The following SUGCT variants were observed in gnomAD, a reference collection of about 807,000 sequenced individuals.
SUGCT encodes succinyl-CoA:glutarate CoA-transferase.
SUGCT carries 41 observed loss-of-function variants against 55.0 expected under a neutral mutation model. The observed-to-expected ratio is 0.74, with a 90% CI of 0.58 to 0.97. The LOEUF is 0.97. Among genes scored for constraint, SUGCT ranks in the 50% least tolerant of loss-of-function variants. The pLI, the probability that SUGCT is intolerant of heterozygous loss-of-function variation, is 0.00. For synonymous variants in SUGCT, 187 were observed against 200.4 expected, an observed-to-expected ratio of 0.93 and a Z score of 0.56; for missense variants, 568 against 547.8, an observed-to-expected ratio of 1.04 and a Z score of -0.37.
At chr7:40,740,215 C>T (rs745744832) in intron 12 of SUGCT, among the ~76,000 whole-genome samples, 1 of 151,814 alleles carries the variant, frequency 6.6e-6, no homozygotes, top group African/African-American at 2.4e-5. Flanking sequence ...TGTTTATTGT[C>T]GGTATACAAA....
the SUGCT span, among the ~76,000 whole-genome samples, chr7:41,002,001 C>T: frequency 6.6e-6 from 1 of 152,166 alleles, no homozygotes; most frequent in Non-Finnish European, 1.5e-5. Flanking sequence ...GGAACAGTCA[C>T]CTTCTCATTA....
chr7:40,498,092 T>C lies in SUGCT; in HGVS notation c.1089+1706T>C, dbSNP rs1198786542. On this transcript the variant is annotated intron_variant, in intron 12 of 13. Transcript: ENST00000335693. ...GAACTACAAAAATTTTTGTTATTGG[T>C]CTATGGCATATTTTCAGTCATTAGC... 3.3e-5 allele frequency among the ~76,000 whole-genome samples: 5 copies of C among 152,264 alleles called. No individual in the cohort carries two copies. The South Asian group carries it at 1.0e-3, about 32-fold the overall frequency.
intron 9 of SUGCT, among the ~76,000 whole-genome samples, chr7:40,330,306 G>A (rs17171688): frequency 0.044 from 6,640 of 152,250 alleles, 281 homozygotes; most frequent in East Asian, 0.24. Context: ...TAGGGAGTTA[G>A]TTTCAGCCAT....
In SUGCT at chr7:40,168,304, C is replaced by T. The variant is rs574111345; in HGVS notation, c.101-12643C>T. 4.6e-5 allele frequency among the ~76,000 whole-genome samples: 7 copies of T among 152,212 alleles called. No homozygotes were observed. In the South Asian group the frequency reaches 1.2e-3, roughly 27 times the overall value. On this transcript the variant is annotated intron_variant, in intron 1 of 13. Coordinates refer to ENST00000335693, the MANE Select transcript of SUGCT (RefSeq NM_001193313.2). ...CTAACTGCTTCCTGCTGAATTGGGG[C>T]GTAGTAGGGGTCATGCAGTTGAGAT...
At chr7:40,756,336 T>C (rs1324084807) in intron 13 of SUGCT, among the ~76,000 whole-genome samples, 1 of 152,230 alleles carries the variant, frequency 6.6e-6, no homozygotes, top group Admixed American at 6.5e-5. Flanking sequence ...TTATTCAGTA[T>C]GCATTTTTTA....
the SUGCT span, among the ~76,000 whole-genome samples, chr7:40,906,118 TTTTG>T: frequency 2.0e-4 from 31 of 152,074 alleles, no homozygotes; most frequent in African/African-American, 7.2e-4. Flanking sequence ...CAGAGCTGTT[TTTTG>T]TTTTTGTTTT....
intron 13 of SUGCT, among the ~76,000 whole-genome samples, chr7:40,802,519 G>A (rs1178834086): frequency 4.6e-5 from 7 of 152,114 alleles, no homozygotes; most frequent in African/African-American, 9.7e-5. Flanking sequence ...AAAGCCTTAC[G>A]GTTTCCACTT....
intron 12 of SUGCT, among the ~76,000 whole-genome samples, chr7:40,563,042 C>T (rs1181577149): frequency 1.3e-5 from 2 of 152,074 alleles, no homozygotes; most frequent in East Asian, 3.9e-4. Context: ...GGTTGAACTC[C>T]TTCCCCTCTT....
chr7:40,138,638 T>C (rs796357046), intron 1 of SUGCT, among the ~76,000 whole-genome samples: 6 of 144,002 alleles, frequency 4.2e-5, no homozygotes, highest in African/African-American at 1.6e-4. Flanking sequence ...AGTTCCCTTT[T>C]CTCAGCTTCC....
chr7:40,901,269 C>T, the SUGCT span, among the ~76,000 whole-genome samples: 1 of 152,142 alleles, frequency 6.6e-6, no homozygotes. Context: ...AGGCTAGCAG[C>T]GAAGAAAACA....
At chr7:40,497,816 T>C (rs1792067531) in intron 12 of SUGCT, among the ~76,000 whole-genome samples, 1 of 152,066 alleles carries the variant, frequency 6.6e-6, no homozygotes, top group South Asian at 2.1e-4. Context: ...TGTGTTTTAT[T>C]AGAGATGAAG....
At chr7:41,031,090 T>G in the SUGCT span, among the ~76,000 whole-genome samples, 25 of 152,282 alleles carry the variant, frequency 1.6e-4, no homozygotes, top group Admixed American at 1.3e-3. Flanking sequence ...GCTTCCCAAG[T>G]AGCTAGGACC....
intron 9 of SUGCT, among the ~76,000 whole-genome samples, chr7:40,388,837 A>T (rs952285136): frequency 2.0e-5 from 3 of 152,210 alleles, no homozygotes; most frequent in African/African-American, 7.2e-5. Flanking sequence ...GGATTTGGAT[A>T]ATTCATAATA....
At chr7:40,956,887 T>C in the SUGCT span, among the ~76,000 whole-genome samples, 41 of 152,296 alleles carry the variant, frequency 2.7e-4, no homozygotes, top group East Asian at 7.9e-3. Flanking sequence ...CCAGTAGTCA[T>C]TCAGGAGCAG....
chr7:40,336,619 C>T (rs1488898192), intron 9 of SUGCT, among the ~76,000 whole-genome samples: 3 of 152,008 alleles, frequency 2.0e-5, no homozygotes, highest in African/African-American at 4.8e-5. Context: ...TTTTATTGCA[C>T]GTATTTAATT....
the SUGCT span, among the ~76,000 whole-genome samples, chr7:40,940,117 A>G: frequency 6.6e-6 from 1 of 152,148 alleles, no homozygotes; most frequent in Non-Finnish European, 1.5e-5. Flanking sequence ...TCCCAGCACC[A>G]TTTATTGAAT....
chr7:40,183,795 G>A (rs1785348922), intron 3 of SUGCT, among the ~76,000 whole-genome samples: 1 of 152,018 alleles, frequency 6.6e-6, no homozygotes, highest in African/African-American at 2.4e-5. Flanking sequence ...GATATATTCT[G>A]TGTACACATT....
At chr7:40,932,752 C>CT in the SUGCT span, among the ~76,000 whole-genome samples, 13,105 of 127,630 alleles carry the variant, frequency 0.1, 823 homozygotes, top group African/African-American at 0.18. Context: ...GCAACCTCTG[C>CT]TTTTTTTTTT....
At chr7:40,836,693 T>C (rs1792997513) in intron 13 of SUGCT, among the ~76,000 whole-genome samples, 3 of 152,234 alleles carry the variant, frequency 2.0e-5, no homozygotes, top group East Asian at 1.9e-4. Context: ...GTTGTATAAA[T>C]TGATTTATAC....
Sources: allele counts gnomAD v4.1 joint callset (sites outside exome capture counted in the v4.1 genomes callset), GRCh38; gene constraint gnomAD v4.1.1; transcripts MANE v1.5; gene names NCBI Gene and HGNC (gene_info 2026-07-23, HGNC 2026-07-21).